The following SLC9A3 variants were observed in gnomAD, a reference collection of about 807,000 sequenced individuals.
SLC9A3 encodes solute carrier family 9 member A3.
In SLC9A3, 37 loss-of-function variants were observed where a neutral mutation model predicts 86.8. That is an observed-to-expected ratio of 0.43 (90% CI 0.33 to 0.56). The LOEUF (loss-of-function observed/expected upper bound fraction) is 0.56, where lower values mean the gene tolerates loss of function less well. Among genes scored for constraint, SLC9A3 ranks in the 20% least tolerant of loss-of-function variants. The pLI is 0.06. For synonymous variants in SLC9A3, 581 were observed against 528.3 expected, an observed-to-expected ratio of 1.10 and a Z score of -1.37; for missense variants, 1,011 against 1,171.9, an observed-to-expected ratio of 0.86 and a Z score of 2.00.
intron 4 of SLC9A3, 23 bp downstream of exon 4, chr5:485,130 C>A (rs753131956): frequency 6.3e-7 from 1 of 1,586,660 alleles, no homozygotes; most frequent in Non-Finnish European, 8.7e-7. Context: ...GCCGCCCACT[C>A]CCCCTGACCC....
intron 6 of SLC9A3, 117 bp from the exon 7 acceptor site, chr5:482,867 C>A (rs1409151527): frequency 1.1e-5 from 9 of 784,570 alleles, no homozygotes. Context: ...ACAGCGGCAC[C>A]CTAGATACGG....
intron 1 of SLC9A3, among the ~76,000 whole-genome samples, chr5:517,612 A>G (rs1197464854): frequency 6.7e-6 from 1 of 150,204 alleles, no homozygotes; most frequent in Non-Finnish European, 1.5e-5. Flanking sequence ...TCACCCATCT[A>G]TCAATCCACT....
chr5:509,395 A>G (rs1740775703), intron 1 of SLC9A3, among the ~76,000 whole-genome samples: 1 of 149,826 alleles, frequency 6.7e-6, no homozygotes, highest in African/African-American at 2.5e-5. Flanking sequence ...TGGAGGCTGC[A>G]GTGAGCTGAG....
intron 1 of SLC9A3, among the ~76,000 whole-genome samples, chr5:498,583 G>A (rs1740132349): frequency 6.6e-6 from 1 of 152,116 alleles, no homozygotes; most frequent in South Asian, 2.1e-4. Flanking sequence ...TGTATTTTTT[G>A]TAGAGATGGA....
intron 1 of SLC9A3, among the ~76,000 whole-genome samples, chr5:498,061 G>A (rs1230346111): frequency 8.5e-5 from 13 of 152,186 alleles, no homozygotes; most frequent in African/African-American, 1.2e-4. Flanking sequence ...GCCTCTGGTC[G>A]CTCTATCTTA....
intron 1 of SLC9A3, among the ~76,000 whole-genome samples, chr5:502,079 G>A (rs1423973170): frequency 2.0e-5 from 3 of 152,260 alleles, no homozygotes; most frequent in Non-Finnish European, 2.9e-5. Context: ...TACAACACTC[G>A]AGCAAACCTG....
intron 4 of SLC9A3, among the ~76,000 whole-genome samples, chr5:484,947 C>T (rs1026848512): frequency 6.6e-6 from 1 of 152,246 alleles, no homozygotes; most frequent in Non-Finnish European, 1.5e-5. Context: ...CTGCCCTCAT[C>T]CCTGTTCTGG....
intron 1 of SLC9A3, among the ~76,000 whole-genome samples, chr5:520,384 G>A (rs532131426): frequency 7.0e-4 from 107 of 152,166 alleles, no homozygotes; most frequent in Non-Finnish European, 1.5e-3. Flanking sequence ...GCTGCAGGGC[G>A]AGGTCAGCGC....
At chr5:476,756 C>T in intron 11 of SLC9A3, 84 bp from the exon 12 acceptor site, 3 of 1,522,224 alleles carry the variant, frequency 2.0e-6, no homozygotes, top group South Asian at 2.3e-5. Context: ...CGGCGGGCAT[C>T]TGGCCCTGGC....
At chr5:490,406 G>A (rs1739679900) in intron 2 of SLC9A3, among the ~76,000 whole-genome samples, 1 of 152,128 alleles carries the variant, frequency 6.6e-6, no homozygotes, top group Non-Finnish European at 1.5e-5. Context: ...CATGGTGCAG[G>A]TGCAGCAAGG....
At chr5:479,033 T>C (rs1457441329) in intron 10 of SLC9A3, 1 of 153,386 alleles carries the variant, frequency 6.5e-6, no homozygotes, top group Admixed American at 6.5e-5. Context: ...TGGCCCTCTG[T>C]GTGAGGGTCT....
At chr5:506,297 G>C (rs1400094083) in intron 1 of SLC9A3, among the ~76,000 whole-genome samples, 2 of 152,196 alleles carry the variant, frequency 1.3e-5, no homozygotes, top group African/African-American at 4.8e-5. Context: ...CACACGAAAG[G>C]GGCCCGAGAC....
At chr5:483,581 G>C in intron 5 of SLC9A3, 99 bp from the exon 6 acceptor site, 1 of 857,432 alleles carries the variant, frequency 1.2e-6, no homozygotes, top group South Asian at 1.5e-5. Context: ...TGTAGGCCCA[G>C]AGTCACAGTT....
chr5:503,835 A>G (rs1280140173), intron 1 of SLC9A3, among the ~76,000 whole-genome samples: 3 of 152,196 alleles, frequency 2.0e-5, no homozygotes, highest in African/African-American at 7.2e-5. Flanking sequence ...TCTGCTGGAA[A>G]TCTCATCCAC....
intron 2 of SLC9A3, among the ~76,000 whole-genome samples, chr5:489,600 C>G (rs1267939109): frequency 6.6e-6 from 1 of 152,222 alleles, no homozygotes; most frequent in Admixed American, 6.5e-5. Flanking sequence ...CACAACACCC[C>G]GAGGAAGTGA....
intron 1 of SLC9A3, among the ~76,000 whole-genome samples, chr5:495,004 G>A (rs1346999397): frequency 6.6e-6 from 1 of 152,170 alleles, no homozygotes; most frequent in African/African-American, 2.4e-5. Context: ...GGAGCAGCCA[G>A]CGGGGCACGT....
At chr5:480,023 G>T (rs1371981733) in intron 9 of SLC9A3, 58 bp from the exon 10 acceptor site, 3 of 1,580,010 alleles carry the variant, frequency 1.9e-6, no homozygotes, top group African/African-American at 1.3e-5. Context: ...GAGCCCGCCG[G>T]ACGCGTGGCC....
At chr5:501,031 C>A (rs1218321266) in intron 1 of SLC9A3, among the ~76,000 whole-genome samples, 1 of 152,194 alleles carries the variant, frequency 6.6e-6, no homozygotes, top group Non-Finnish European at 1.5e-5. Flanking sequence ...TAACTGATTG[C>A]CGAGGCTGGA....
chr5:502,196 G>A (rs1464870616), intron 1 of SLC9A3, among the ~76,000 whole-genome samples: 1 of 152,202 alleles, frequency 6.6e-6, no homozygotes, highest in Non-Finnish European at 1.5e-5. Flanking sequence ...CAAAATGAAC[G>A]CAGCCTCTGA....
Sources: allele counts gnomAD v4.1 joint callset (sites outside exome capture counted in the v4.1 genomes callset), GRCh38; gene constraint gnomAD v4.1.1; transcripts MANE v1.5; gene names NCBI Gene and HGNC (gene_info 2026-07-23, HGNC 2026-07-21).